The following C7 variants were observed in gnomAD, a reference collection of about 807,000 sequenced individuals.
C7 encodes complement C7.
Under a neutral mutation model 104.8 loss-of-function variants are expected in C7, and 83 were observed. The ratio of observed to expected loss-of-function variants is 0.79; its 90% CI spans 0.66 to 0.95. The LOEUF (loss-of-function observed/expected upper bound fraction) is 0.95, where lower values mean the gene tolerates loss of function less well. C7 is among the 40% of genes least tolerant of loss of function. C7 has a pLI of 0.00. For synonymous variants in C7, 415 were observed against 360.6 expected (o/e 1.15, Z -1.71); for missense variants, 1,070 against 1,011.2 (o/e 1.06, Z -0.79).
chr5:40,972,318 A>G (rs1740714958), intron 14 of C7, 85 bp from the exon 15 acceptor site: 1 of 1,081,804 alleles, frequency 9.2e-7, no homozygotes, highest in African/African-American at 1.6e-5. Flanking sequence ...AAGCAGAACA[A>G]GTGTGTCTGC....
intron 15 of C7, 77 bp downstream of exon 15, chr5:40,972,671 T>G: frequency 8.8e-7 from 1 of 1,139,156 alleles, no homozygotes; most frequent in Non-Finnish European, 1.3e-6. Flanking sequence ...TTCATGGTAC[T>G]GTATCACCAT....
rs1456052449 is a variant in C7 at position 40,937,602 on chromosome 5, G to T, written c.479G>T (p.Ser160Ile). The T allele has an allele frequency of 1.2e-6, 2 of 1,612,448 alleles. No individual in the cohort carries two copies. The highest frequency in any genetic ancestry group is 3.3e-5 in the Admixed American group (2 of 59,908). ...QFRNRVINTK[S>I]FGGQCRKVFS... ...AGGAACAGAGTCATCAATACCAAAA[G>T]TTTTGGTGGTCAATGTAGAAAGGTG... is the stretch of plus-strand genomic sequence containing the variant. Residue 160 changes from serine (S) to isoleucine (I), a missense_variant, in exon 6 of 18, where the codon AGT (serine) becomes ATT (isoleucine). Coordinates refer to ENST00000313164, the MANE Select transcript of C7 (RefSeq NM_000587.4).
rs2111590828 is a variant in C7, at chr5:40,934,370, C to G, written c.184C>G (p.Pro62Ala). The change falls in exon 4 of 18, where the codon CCT becomes GCT. Residue 62 changes from proline to alanine, a missense_variant. Transcript: ENST00000313164. ...VAVYGQYGGQ[P>A]CVGNAFETQS... ...TGTGTATGGGCAGTATGGAGGCCAG[C>G]CTTGTGTTGGAAATGCTTTTGAAAC... The G allele has an allele frequency of 6.2e-7, 1 of 1,613,520 alleles. No individual in the cohort carries two copies. The highest frequency in any genetic ancestry group is 1.1e-5 in the South Asian group (1 of 91,056).
intron 15 of C7, among the ~76,000 whole-genome samples, chr5:40,974,550 G>A (rs1360508553): frequency 6.6e-6 from 1 of 151,792 alleles, no homozygotes; most frequent in African/African-American, 2.4e-5. Context: ...TGAGTAGCTG[G>A]GACTACAGGT....
At chr5:40,957,855 C>A (rs1740328028) in intron 10 of C7, among the ~76,000 whole-genome samples, 178 bp from the exon 11 acceptor site, 1 of 150,346 alleles carries the variant, frequency 6.7e-6, no homozygotes, top group African/African-American at 2.5e-5. Flanking sequence ...CTAAGTTTGT[C>A]TTGATTTTGT....
Position 40,972,432 on chromosome 5 carries a change from G to A in C7, c.1912G>A (p.Asp638Asn), listed in dbSNP as rs200375051. 4.9e-4 allele frequency: 798 copies of A among 1,613,828 alleles called. No individual in the cohort carries two copies. Among genetic ancestry groups the A allele is most frequent in the Middle Eastern group, 4.8e-3 (29 of 6,060 alleles). The change falls in exon 15 of 18, where the codon GAT becomes AAT. Residue 638 changes from aspartate (D) to asparagine (N), a missense_variant. Physicochemically the swap from Asp to Asn is conservative, Grantham distance 23. Transcript: ENST00000313164. ...KIACVLPVLM[D>N]GIQSHPQKPF... Reference sequence around the variant, plus strand: ...TGCCTGTGTTCTACCTGTACTGATGGATGGCATACAGAGTCACCCCCAAAA... The same window carrying A: ...TGCCTGTGTTCTACCTGTACTGATGAATGGCATACAGAGTCACCCCCAAAA...
intron 1 of C7, among the ~76,000 whole-genome samples, chr5:40,919,117 A>C (rs1739387498): frequency 2.0e-5 from 3 of 147,076 alleles, no homozygotes; most frequent in Admixed American, 1.4e-4. Context: ...TTGAAATTAT[A>C]TCAAGTATCT....
At chr5:40,954,549 T>C (rs1421259430) in intron 9 of C7, among the ~76,000 whole-genome samples, 1 of 152,070 alleles carries the variant, frequency 6.6e-6, no homozygotes, top group Non-Finnish European at 1.5e-5. Context: ...CCTAATATCA[T>C]CTGCTCTCAG....
chr5:40,919,182 G>A (rs1739389523), intron 1 of C7, among the ~76,000 whole-genome samples: 1 of 150,046 alleles, frequency 6.7e-6, no homozygotes. Flanking sequence ...GTAGTGCAGT[G>A]GTCTGATCTC....
intron 14 of C7, among the ~76,000 whole-genome samples, chr5:40,966,676 A>ATTCTAAATATTTTCAACTGACCTATCTTC (rs1316371976): frequency 6.6e-6 from 1 of 151,964 alleles, no homozygotes; most frequent in Non-Finnish European, 1.5e-5. Flanking sequence ...CATGCCTGGC[A>ATTCTAAATATTTTCAACTGACCTATCTTC]CAATATTTGG....
chr5:40,961,863 G>A (rs922597307), intron 12 of C7, among the ~76,000 whole-genome samples: 1 of 152,034 alleles, frequency 6.6e-6, no homozygotes, highest in African/African-American at 2.4e-5. Flanking sequence ...TACTGACCTA[G>A]CAGCTATTTA....
intron 14 of C7, among the ~76,000 whole-genome samples, chr5:40,968,483 C>A (rs1051786498): frequency 1.4e-5 from 2 of 146,138 alleles, no homozygotes; most frequent in Admixed American, 1.4e-4. Flanking sequence ...CTGTATATTT[C>A]TGTATAATCT....
chr5:40,938,914 C>T (rs1258436507), intron 6 of C7, among the ~76,000 whole-genome samples: 5 of 152,264 alleles, frequency 3.3e-5, no homozygotes, highest in South Asian at 2.1e-4. Context: ...TAGCGGTTGG[C>T]ATCTTCTATC....
rs369745638 is a variant in C7 at position 40,936,493 on chromosome 5, G to A, written c.428+8G>A. 2.7e-5 allele frequency: 43 copies of A among 1,611,488 alleles called. 1 individual carries two copies. The highest frequency in any genetic ancestry group is 2.3e-4 in the Admixed American group (14 of 59,586). On this transcript the variant is annotated splice_region_variant and intron_variant, in intron 5 of 17. Transcript: ENST00000313164. ...AGAACTTACTGGAAATGGGTAAGGTGCTGGGCAGCCTCCTGAGTACATCAG... is the reference window on the plus strand; with the variant it reads ...AGAACTTACTGGAAATGGGTAAGGTACTGGGCAGCCTCCTGAGTACATCAG...
intron 15 of C7, among the ~76,000 whole-genome samples, chr5:40,974,869 A>G (rs1490072688): frequency 6.6e-6 from 1 of 152,114 alleles, no homozygotes. Flanking sequence ...CTCAACCTCA[A>G]CGCTATTGGA....
chr5:40,941,662 A>G (rs1739939240), intron 6 of C7, among the ~76,000 whole-genome samples: 2 of 152,134 alleles, frequency 1.3e-5, no homozygotes, highest in African/African-American at 4.8e-5. Flanking sequence ...AAACTTGGTG[A>G]GCGGCTGAAT....
intron 8 of C7, 53 bp from the exon 9 acceptor site, chr5:40,949,851 A>T (rs1740129006): frequency 1.8e-6 from 2 of 1,096,042 alleles, no homozygotes; most frequent in Non-Finnish European, 2.7e-6. Context: ...ATATCTGAAG[A>T]TCTTCAAGGA....
At chr5:40,973,689 T>C (rs914957675) in intron 15 of C7, among the ~76,000 whole-genome samples, 3 of 152,228 alleles carry the variant, frequency 2.0e-5, no homozygotes, top group Non-Finnish European at 4.4e-5. Context: ...AGTATAAACA[T>C]GAGTTTACTT....
intron 3 of C7, 34 bp from the exon 4 acceptor site, chr5:40,934,287 CAAAT>C (rs777052617): frequency 3.4e-6 from 5 of 1,485,554 alleles, no homozygotes; most frequent in East Asian, 2.4e-5. Context: ...TGAAAACAAA[CAAAT>C]AAACAAACAA....
Sources: allele counts gnomAD v4.1 joint callset (sites outside exome capture counted in the v4.1 genomes callset), GRCh38; gene constraint gnomAD v4.1.1; transcripts MANE v1.5; gene names NCBI Gene and HGNC (gene_info 2026-07-23, HGNC 2026-07-21).